GALNTL6: variants seen among roughly 807,000 people sequenced by gnomAD.
GALNTL6 encodes polypeptide N-acetylgalactosaminyltransferase-like 6.
GALNTL6 carries 46 observed loss-of-function variants against 73.7 expected under a neutral mutation model. That is an observed-to-expected ratio of 0.62 (90% CI 0.49 to 0.80). The LOEUF is 0.80. Ranked by LOEUF, GALNTL6 falls within the 30% of genes least tolerant of loss-of-function variation. The pLI is 0.00. For synonymous variants in GALNTL6, 259 were observed against 263.7 expected (o/e 0.98, Z 0.17); for missense variants, 604 against 755.0 (o/e 0.80, Z 2.34).
chr4:172,720,756 G>T (rs996338013), intron 5 of GALNTL6, among the ~76,000 whole-genome samples: 1 of 152,184 alleles, frequency 6.6e-6, no homozygotes, highest in Non-Finnish European at 1.5e-5. Context: ...TAGTAGTAAA[G>T]AATCAGAAAA....
At chr4:172,132,311 ATC>A (rs543438885) in intron 2 of GALNTL6, among the ~76,000 whole-genome samples, 143 of 152,190 alleles carry the variant, frequency 9.4e-4, no homozygotes, top group Non-Finnish European at 1.7e-3. Context: ...ATTTAATAAT[ATC>A]TTTGTCATAT....
At position 172,975,309 on chromosome 4, in the gene GALNTL6, G is replaced by T. The variant is rs761514868; in HGVS notation, c.1371+23051G>T. On this transcript the variant is annotated intron_variant, in intron 10 of 12. Coordinates refer to ENST00000506823, the MANE Select transcript of GALNTL6 (RefSeq NM_001034845.3). The stretch of plus-strand genomic sequence containing the variant: ...TTTAGTGGAGAGGAGACCCAGAGTG[G>T]GCAGCTTCTATCTGCAGGCAGGTCG... Among the ~76,000 whole-genome samples the T allele has an allele frequency of 1.4e-3, 213 of 151,864 alleles. 3 individuals carry two copies. Among genetic ancestry groups the T allele is most frequent in the Non-Finnish European group, 9.1e-4 (62 of 67,902 alleles).
At chr4:172,659,875 C>T (rs1187274760) in intron 5 of GALNTL6, among the ~76,000 whole-genome samples, 1 of 152,140 alleles carries the variant, frequency 6.6e-6, no homozygotes, top group Non-Finnish European at 1.5e-5. Flanking sequence ...GGAGTTCCAG[C>T]ATGCCCTTCC....
In GALNTL6 at chr4:171,856,264, G is replaced by A. The variant is rs539316707; in HGVS notation, c.138+41546G>A. Among the ~76,000 whole-genome samples the A allele has an allele frequency of 1.9e-4, 25 of 131,678 alleles. 1 individual carries two copies. In the South Asian group the frequency reaches 4.3e-3, roughly 23 times the overall value. 86.4% of individuals were successfully genotyped at this position (131,678 alleles called of 152,430 possible). ...GTTACAGGTGCCCACCACCACACCC[G>A]GCTACTTTTTGTATTTTTTTTTTTT... is the stretch of plus-strand genomic sequence containing the variant. On this transcript the variant is annotated intron_variant, in intron 2 of 12. Transcript: ENST00000506823.
intron 3 of GALNTL6, among the ~76,000 whole-genome samples, chr4:172,274,925 T>G (rs185158713): frequency 4.3e-4 from 66 of 152,354 alleles, no homozygotes; most frequent in African/African-American, 1.6e-3. Context: ...CAATGTTGAA[T>G]CTTTTACATT....
At chr4:172,898,420 G>A (rs1240557471) in intron 8 of GALNTL6, among the ~76,000 whole-genome samples, 1 of 147,702 alleles carries the variant, frequency 6.8e-6, no homozygotes, top group Non-Finnish European at 1.5e-5. Flanking sequence ...AGAGCAAAAG[G>A]TTATACTCCA....
chr4:172,506,015 C>G (rs1734382540), intron 5 of GALNTL6, among the ~76,000 whole-genome samples: 1 of 54,090 alleles, frequency 1.8e-5, no homozygotes, highest in African/African-American at 4.6e-5. Flanking sequence ...GCAGCACATT[C>G]AGCATTATCA....
chr4:172,826,882 C>T (rs776127115), intron 7 of GALNTL6, among the ~76,000 whole-genome samples: 22 of 152,208 alleles, frequency 1.4e-4, no homozygotes, highest in Non-Finnish European at 2.9e-4. Context: ...AACTCCATGC[C>T]GGGATTGTTT....
At chr4:172,855,189 T>C (rs1452360860) in intron 7 of GALNTL6, among the ~76,000 whole-genome samples, 2 of 91,060 alleles carry the variant, frequency 2.2e-5, no homozygotes, top group African/African-American at 4.5e-5. Flanking sequence ...CCTGAGAACT[T>C]TGAGGTGAAA....
At chr4:171,866,088 G>A (rs992396122) in intron 2 of GALNTL6, among the ~76,000 whole-genome samples, 1 of 152,072 alleles carries the variant, frequency 6.6e-6, no homozygotes, top group African/African-American at 2.4e-5. Flanking sequence ...TAATGGAATT[G>A]TTATCAATAG....
intron 5 of GALNTL6, among the ~76,000 whole-genome samples, chr4:172,694,861 A>G (rs1275738385): frequency 6.6e-6 from 1 of 152,214 alleles, no homozygotes; most frequent in Non-Finnish European, 1.5e-5. Context: ...AATATTGTAC[A>G]CTGAAGATTA....
intron 2 of GALNTL6, among the ~76,000 whole-genome samples, chr4:172,083,074 T>G (rs888732014): frequency 1.3e-5 from 2 of 152,214 alleles, no homozygotes; most frequent in Non-Finnish European, 2.9e-5. Flanking sequence ...TTTAGTGTTA[T>G]CTTTAACTCA....
At chr4:171,884,728 GT>G (rs1736560077) in intron 2 of GALNTL6, among the ~76,000 whole-genome samples, 1 of 152,060 alleles carries the variant, frequency 6.6e-6, no homozygotes, top group South Asian at 2.1e-4. Flanking sequence ...GACAGCTAAT[GT>G]ATTTAACAAT....
At chr4:172,668,285 A>G (rs1400964550) in intron 5 of GALNTL6, 1 of 152,218 alleles carries the variant, frequency 6.6e-6, no homozygotes, top group Non-Finnish European at 1.5e-5. Context: ...AGTATCCAAG[A>G]GCTAAATTTG....
At chr4:172,106,917 A>G (rs535282937) in intron 2 of GALNTL6, among the ~76,000 whole-genome samples, 1 of 152,356 alleles carries the variant, frequency 6.6e-6, no homozygotes, top group East Asian at 1.9e-4. Flanking sequence ...CTTGTTGCCC[A>G]GGCTGGAGTG....
intron 2 of GALNTL6, among the ~76,000 whole-genome samples, chr4:172,178,227 C>G (rs769332411): frequency 6.6e-6 from 1 of 152,020 alleles, no homozygotes; most frequent in East Asian, 1.9e-4. Flanking sequence ...GTTTGAACAG[C>G]GCCTGACAAA....
intron 5 of GALNTL6, among the ~76,000 whole-genome samples, chr4:172,721,252 A>C (rs565269014): frequency 6.6e-6 from 1 of 152,286 alleles, no homozygotes; most frequent in South Asian, 2.1e-4. Flanking sequence ...ATCTTTCTTT[A>C]ACATTTATTC....
At chr4:172,698,771 G>C (rs937333987) in intron 5 of GALNTL6, among the ~76,000 whole-genome samples, 1 of 152,098 alleles carries the variant, frequency 6.6e-6, no homozygotes, top group African/African-American at 2.4e-5. Context: ...TAAAAGCAAA[G>C]AGGTGAGATA....
At chr4:172,418,371 T>G (rs923406365) in intron 5 of GALNTL6, among the ~76,000 whole-genome samples, 1 of 152,172 alleles carries the variant, frequency 6.6e-6, no homozygotes, top group Non-Finnish European at 1.5e-5. Flanking sequence ...GATGGAATGT[T>G]AGCAGACATA....
Sources: gnomAD v4.1 joint callset for allele counts (sites outside exome capture counted in the v4.1 genomes callset) on GRCh38, gnomAD v4.1.1 for gene constraint, MANE v1.5 for transcripts, NCBI Gene and HGNC (gene_info 2026-07-23, HGNC 2026-07-21) for gene names.